The following SRRM3 variants were observed in gnomAD, a reference collection of about 807,000 sequenced individuals.
SRRM3 encodes serine/arginine repetitive matrix 3.
SRRM3 carries 27 observed loss-of-function variants against 66.2 expected under a neutral mutation model. The observed-to-expected ratio is 0.41, with a 90% CI of 0.30 to 0.56. SRRM3 has a LOEUF of 0.56. Ranked by LOEUF, SRRM3 falls within the 20% of genes least tolerant of loss-of-function variation. The pLI is 0.32. For missense variants in SRRM3, 918 were observed against 991.9 expected (o/e 0.93, Z 1.00); for synonymous variants, 391 against 414.9 (o/e 0.94, Z 0.70).
rs1378456499 is a variant in SRRM3 at position 76,206,780 on chromosome 7, G to A, written c.-40+4713G>A. Among the ~76,000 whole-genome samples the A allele has an allele frequency of 3.3e-5, 5 of 152,106 alleles. No individual in the cohort carries two copies. In the South Asian group the frequency reaches 8.3e-4, roughly 25 times the overall value. On this transcript the variant is annotated intron_variant, in intron 1 of 14. Coordinates refer to ENST00000611745, the MANE Select transcript of SRRM3 (RefSeq NM_001110199.3). ...AGCCTCTGGCCTGTCCTTCTGCAGCGCTGCTTCCTCGGCAGCCAGCCTGGC... is the reference window on the plus strand; with the variant it reads ...AGCCTCTGGCCTGTCCTTCTGCAGCACTGCTTCCTCGGCAGCCAGCCTGGC...
intron 8 of SRRM3, among the ~76,000 whole-genome samples, chr7:76,261,921 C>T (rs1017981609): frequency 1.3e-5 from 2 of 151,438 alleles, no homozygotes; most frequent in Admixed American, 1.3e-4. Context: ...GGAAACAGCT[C>T]GCGAGGCAGG....
intron 1 of SRRM3, among the ~76,000 whole-genome samples, chr7:76,210,371 T>A (rs1800401896): frequency 6.6e-6 from 1 of 152,202 alleles, no homozygotes; most frequent in Non-Finnish European, 1.5e-5. Flanking sequence ...TCAGGCCCTA[T>A]CTGACACATA....
Position 76,284,367 on chromosome 7 carries a change from G to A in SRRM3, c.1734-1248G>A, listed in dbSNP as rs184395288. Among the ~76,000 whole-genome samples the A allele has an allele frequency of 2.1e-3, 320 of 151,926 alleles. 1 individual carries two copies. The highest frequency in any genetic ancestry group is 3.7e-3 in the Non-Finnish European group (252 of 67,926). On this transcript the variant is annotated intron_variant, in intron 14 of 14. Transcript: ENST00000611745. ...TTTTTTTTGTATTTTTAGTAGAGAC[G>A]GGGTTTCACCATGTTAGTCAGGCTG...
In SRRM3 at chr7:76,228,581, G is replaced by A. The variant is rs146881781; in HGVS notation, c.-39-6447G>A. ...CTACTAAAAATACAAAAAGTTAGCCGGGTGTAGTGGTGTGCACCTGTAATC... is the reference window on the plus strand; with the variant it reads ...CTACTAAAAATACAAAAAGTTAGCCAGGTGTAGTGGTGTGCACCTGTAATC... On this transcript the variant is annotated intron_variant, in intron 1 of 14. Transcript: ENST00000611745. Among the ~76,000 whole-genome samples, 489 of 152,100 alleles carry A rather than the reference G, an allele frequency of 3.2e-3. 1 individual carries two copies. The highest frequency in any genetic ancestry group is 9.0e-3 in the South Asian group (43 of 4,804).
chr7:76,218,083 G>A (rs1410891584), intron 1 of SRRM3, among the ~76,000 whole-genome samples: 3 of 152,208 alleles, frequency 2.0e-5, no homozygotes, highest in African/African-American at 4.8e-5. Flanking sequence ...CTAGCCCATC[G>A]TGCCTTCCTC....
intron 11 of SRRM3, among the ~76,000 whole-genome samples, chr7:76,271,039 C>T (rs782166582): frequency 9.9e-5 from 15 of 152,046 alleles, no homozygotes; most frequent in Non-Finnish European, 2.1e-4. Context: ...CCCAACAAAC[C>T]CCTTTGTTGG....
chr7:76,284,172 CTTTT>C (rs61170781), intron 14 of SRRM3, among the ~76,000 whole-genome samples: 1 of 134,608 alleles, frequency 7.4e-6, no homozygotes, highest in African/African-American at 2.7e-5. Context: ...GCTACTGCTT[CTTTT>C]TTTTTTTTTT....
Position 76,282,729 on chromosome 7 carries a change from A to T in SRRM3, c.1452A>T (p.Glu484Asp). 6.9e-7 allele frequency: 1 copy of T among 1,451,430 alleles called. No homozygotes were observed. Among genetic ancestry groups the T allele is most frequent in the Non-Finnish European group, 9.0e-7 (1 of 1,107,314 alleles). 89.9% of individuals were successfully genotyped at this position (1,451,430 alleles called of 1,614,324 possible). A position where few individuals can be genotyped will look rare whatever the true frequency, so the allele number is the denominator to read the frequency against. Residue 484 changes from glutamate to aspartate, a missense_variant, in exon 13 of 15, where the codon GAA (glutamate) becomes GAT (aspartate). Coordinates refer to ENST00000611745, the MANE Select transcript of SRRM3 (RefSeq NM_001110199.3). ...CGCACGGCCGGCGCGGCGGCCCAGA[A>T]GGGAAGAGCTCGTCGCGCAGCCCCG... The part of the protein sequence containing the change: ...PGAHGRRGGP[E>D]GKSSSRSPGP...
intron 1 of SRRM3, among the ~76,000 whole-genome samples, chr7:76,223,887 C>A (rs1420090218): frequency 9.5e-6 from 1 of 105,248 alleles, no homozygotes; most frequent in African/African-American, 4.0e-5. Context: ...CTTCCCTTCC[C>A]TTCCCTCCCC....
chr7:76,216,883 C>T (rs1443682560), intron 1 of SRRM3, among the ~76,000 whole-genome samples: 1 of 152,184 alleles, frequency 6.6e-6, no homozygotes, highest in Non-Finnish European at 1.5e-5. Flanking sequence ...GATGCTCCAG[C>T]CCCCAGCCCG....
At chr7:76,275,382 A>C (rs1802318453) in intron 11 of SRRM3, among the ~76,000 whole-genome samples, 1 of 150,874 alleles carries the variant, frequency 6.6e-6, no homozygotes, top group Non-Finnish European at 1.5e-5. Context: ...CCAGCTACTC[A>C]GGAGGCTAAG....
intron 14 of SRRM3, chr7:76,283,804 G>T: frequency 1.0e-6 from 1 of 985,452 alleles, no homozygotes; most frequent in Middle Eastern, 5.2e-4. Flanking sequence ...TCTCTGCTAG[G>T]ACTGGAAGTG....
intron 1 of SRRM3, among the ~76,000 whole-genome samples, chr7:76,204,937 C>T (rs964171515): frequency 6.6e-6 from 1 of 152,118 alleles, no homozygotes; most frequent in Admixed American, 6.6e-5. Flanking sequence ...AAGCTATTCT[C>T]CTCTGAACAT....
At chr7:76,215,299 A>T (rs1342864028) in intron 1 of SRRM3, among the ~76,000 whole-genome samples, 3 of 151,972 alleles carry the variant, frequency 2.0e-5, no homozygotes, top group Non-Finnish European at 4.4e-5. Flanking sequence ...ACCCACTGAA[A>T]AATGGGAGTG....
intron 1 of SRRM3, among the ~76,000 whole-genome samples, chr7:76,227,915 G>A (rs1332716536): frequency 6.6e-6 from 1 of 152,118 alleles, no homozygotes; most frequent in Non-Finnish European, 1.5e-5. Context: ...TGTCACCCAG[G>A]CTGAAGTGCA....
chr7:76,278,209 G>A (rs781916653), intron 11 of SRRM3, among the ~76,000 whole-genome samples: 2 of 152,032 alleles, frequency 1.3e-5, no homozygotes, highest in East Asian at 1.9e-4. Flanking sequence ...ACCCAAGGCC[G>A]GGCACGATGG....
intron 1 of SRRM3, among the ~76,000 whole-genome samples, chr7:76,230,523 A>C (rs782185404): frequency 1.5e-4 from 23 of 151,794 alleles, no homozygotes; most frequent in Non-Finnish European, 2.9e-4. Flanking sequence ...ATGGTGGTGC[A>C]CCTGTAGTTT....
At chr7:76,234,368 G>A (rs1801088529) in intron 1 of SRRM3, among the ~76,000 whole-genome samples, 1 of 152,168 alleles carries the variant, frequency 6.6e-6, no homozygotes, top group Non-Finnish European at 1.5e-5. Flanking sequence ...GTCATCAGAA[G>A]CAGTGTTTCC....
At position 76,207,245 on chromosome 7, in the gene SRRM3, T is replaced by C. The variant is rs77106771; in HGVS notation, c.-40+5178T>C. Among the ~76,000 whole-genome samples the C allele has an allele frequency of 5.7e-3, 865 of 152,100 alleles. 4 individuals carry two copies. The highest frequency in any genetic ancestry group is 0.01 in the Non-Finnish European group (686 of 68,012). ...TGAGTCTAGGACTTCAAGGATCTAG[T>C]GAACTATAATTGCACAACTACACTC... On this transcript the variant is annotated intron_variant, in intron 1 of 14. Transcript: ENST00000611745.
Sources: allele counts gnomAD v4.1 joint callset (sites outside exome capture counted in the v4.1 genomes callset), GRCh38; gene constraint gnomAD v4.1.1; transcripts MANE v1.5; gene names NCBI Gene and HGNC (gene_info 2026-07-23, HGNC 2026-07-21).